FAM120AOS: variants seen among roughly 807,000 people sequenced by gnomAD.
FAM120AOS encodes family with sequence similarity 120 member A opposite strand.
Under a neutral mutation model 20.2 loss-of-function variants are expected in FAM120AOS, and 15 were observed. That is an observed-to-expected ratio of 0.74 (90% CI 0.50 to 1.15). The LOEUF is 1.15. Ranked by LOEUF, FAM120AOS falls within the 50% of genes most tolerant of loss-of-function variation. The pLI is 0.00. For missense variants in FAM120AOS, 327 were observed against 351.9 expected, an observed-to-expected ratio of 0.93 and a Z score of 0.57; for synonymous variants, 154 against 154.0, an observed-to-expected ratio of 1.00 and a Z score of 0.00.
intron 1 of FAM120AOS, chr9:93,451,582 TCC>T: frequency 3.1e-6 from 3 of 982,686 alleles, no homozygotes; most frequent in Non-Finnish European, 3.6e-6. Context: ...CGCCGCCTCT[TCC>T]GCCTGCTAGC....
chr9:93,452,251 G>A lies in FAM120AOS; in HGVS notation c.459C>T (p.Pro153=). 1 of 1,610,946 alleles carries A rather than the reference G, an allele frequency of 6.2e-7. No homozygotes were observed. ...TICCAVWRSL[P]CRLTHSCSRA... ...GGCTGCACGAGTGGGTCAAGCGGCA[G>A]GGCAACGAGCGCCAGACGGCACAGC... Residue 153 remains proline, a synonymous_variant, in exon 1 of 3, where the codon CCC becomes CCT. Coordinates refer to ENST00000375412, the MANE Select transcript of FAM120AOS (RefSeq NM_198841.4). The surrounding 1 kb of genome is among the most constrained non-coding windows in gnomAD (Gnocchi z 7.0).
Position 93,452,268 on chromosome 9 carries a change from C to A in FAM120AOS, c.442G>T (p.Val148Phe), listed in dbSNP as rs748792452. Residue 148 changes from valine to phenylalanine, a missense_variant, in exon 1 of 3, where the codon GTC becomes TTC. By Grantham distance (50) the Val-to-Phe change is conservative. Around this residue, in one of 3 missense-constraint regions of FAM120AOS, gnomAD observed 86 missense variants for 140.2 expected, o/e 0.61. Transcript: ENST00000375412. The surrounding 1 kb of genome is among the most constrained non-coding windows in gnomAD (Gnocchi z 7.0). ...FWTWLTICCA[V>F]WRSLPCRLTH... The stretch of plus-strand genomic sequence containing the variant: ...AAGCGGCAGGGCAACGAGCGCCAGA[C>A]GGCACAGCAGATCGTCAGCCATGTC... 6.2e-7 allele frequency: 1 copy of A among 1,612,176 alleles called. No homozygotes were observed. The highest frequency in any genetic ancestry group is 8.5e-7 in the Non-Finnish European group (1 of 1,179,750).
intron 1 of FAM120AOS, chr9:93,450,804 C>T (rs774323185): frequency 8.3e-6 from 8 of 962,528 alleles, no homozygotes; most frequent in Middle Eastern, 3.1e-4. Flanking sequence ...ACGTAAACGA[C>T]CTCCTTCCAG....
Position 93,452,499 on chromosome 9 carries a change from T to C in FAM120AOS, c.211A>G (p.Thr71Ala). 1 of 1,545,808 alleles carries C rather than the reference T, an allele frequency of 6.5e-7. No individual in the cohort carries two copies. Among genetic ancestry groups the C allele is most frequent in the South Asian group, 1.2e-5 (1 of 86,534 alleles). ...CCGTGGCGGCGCTGGGGGCAGCGAGTTCCCCCAGCCCTTGCCCGGGATAGC... is the reference window on the plus strand; with the variant it reads ...CCGTGGCGGCGCTGGGGGCAGCGAGCTCCCCCAGCCCTTGCCCGGGATAGC... ...ARLSRARAGG[T>A]RCPQRRHGRA... The change falls in exon 1 of 3, where the codon ACT (threonine) becomes GCT (alanine). Residue 71 changes from threonine (T) to alanine (A), a missense_variant. Thr to Ala is a moderately conservative substitution (Grantham distance 58). Transcript: ENST00000375412. This position sits in a 1 kb window ranked among gnomAD's most constrained non-coding sequence, Gnocchi z 7.0.
chr9:93,451,216 CGGCGGCGTTAGAAA>C, intron 1 of FAM120AOS: 8 of 1,527,490 alleles, frequency 5.2e-6, no homozygotes, highest in East Asian at 2.5e-5. Context: ...TGCGAGCCGA[CGGCGGCGTTAGAAA>C]GGCGGCGTCC....
rs1856815810 is a variant in FAM120AOS, at chr9:93,445,515, A to G, written c.*2096T>C. ...CAACAGCATCCCAGCTGTATTGTTA[A>G]AAGTACCTGTCATTCTTAGTTCCCA... On this transcript the variant is annotated 3_prime_UTR_variant, in exon 3 of 3. Coordinates refer to ENST00000375412, the MANE Select transcript of FAM120AOS (RefSeq NM_198841.4). Among the ~76,000 whole-genome samples the G allele has an allele frequency of 6.6e-6, 1 of 151,974 alleles. No homozygotes were observed. Among genetic ancestry groups the G allele is most frequent in the African/African-American group, 2.4e-5 (1 of 41,364 alleles).
chr9:93,448,475 A>G (rs149721159), intron 2 of FAM120AOS: 2,429 of 217,942 alleles, frequency 0.011, 72 homozygotes, highest in African/African-American at 0.055. Flanking sequence ...CCTGGGCAAC[A>G]GAGCAAGACT....
chr9:93,451,153 G>A (rs968793681), intron 1 of FAM120AOS: 30 of 1,550,286 alleles, frequency 1.9e-5, no homozygotes, highest in Non-Finnish European at 2.5e-5. Flanking sequence ...CGGCCGGCCA[G>A]CATCCCGCTC....
rs1564300187 is a variant in FAM120AOS, at chr9:93,453,024, G to T, written c.-315C>A. On this transcript the variant is annotated 5_prime_UTR_variant, in exon 1 of 3. Transcript: ENST00000375412. ...TTAGAGAATCTTTCTATGGCTTTTT[G>T]TGTTAGATTTCAAAGACCCGTGCAC... is the stretch of plus-strand genomic sequence containing the variant. 8.5e-7 allele frequency: 1 copy of T among 1,172,972 alleles called. No homozygotes were observed. Among genetic ancestry groups the T allele is most frequent in the African/African-American group, 1.6e-5 (1 of 60,932 alleles). The allele number at this position is 1,172,972 out of a possible 1,614,324, so 72.7% of individuals were successfully genotyped here.
chr9:93,445,053 C>T lies in FAM120AOS; in HGVS notation c.*2558G>A, dbSNP rs370755370. 3.2e-4 allele frequency among the ~76,000 whole-genome samples: 49 copies of T among 152,232 alleles called. No homozygotes were observed. Among genetic ancestry groups the T allele is most frequent in the African/African-American group, 1.1e-3 (46 of 41,528 alleles). ...AAAGTTCTTGAGATGTTTGGGCTGA[C>T]CATGAAGGGATCCATTATCTGAAGA... On this transcript the variant is annotated 3_prime_UTR_variant, in exon 3 of 3. Coordinates refer to ENST00000375412, the MANE Select transcript of FAM120AOS (RefSeq NM_198841.4).
At position 93,445,580 on chromosome 9, in the gene FAM120AOS, G is replaced by GTTT. The variant is rs749645011; in HGVS notation, c.*2030_*2031insAAA. On this transcript the variant is annotated 3_prime_UTR_variant, in exon 3 of 3. Coordinates refer to ENST00000375412, the MANE Select transcript of FAM120AOS (RefSeq NM_198841.4). Reference sequence around the variant, plus strand: ...TGGTTCTCCAACTTTCATAAAAATCGTTGTTTTTTTTTTTTTTTTTTTTTT... The same window carrying GTTT: ...TGGTTCTCCAACTTTCATAAAAATCGTTTTTGTTTTTTTTTTTTTTTTTTTTTT... 2.0e-3 allele frequency among the ~76,000 whole-genome samples: 212 copies of GTTT among 106,322 alleles called. 7 individuals are homozygous for GTTT. The highest frequency in any genetic ancestry group is 5.4e-3 in the African/African-American group (152 of 28,174). The allele number at this position is 106,322 out of a possible 152,430, so 69.8% of individuals were successfully genotyped here.
chr9:93,452,654 G>C lies in FAM120AOS; in HGVS notation c.56C>G (p.Ser19Cys), dbSNP rs769091702. Reference sequence around the variant, plus strand: ...ACTTGAGGGCTGGGAGAGAGCCCCGGACCAGAATTCGGAGGCGACAGTGTC... The same window carrying C: ...ACTTGAGGGCTGGGAGAGAGCCCCGCACCAGAATTCGGAGGCGACAGTGTC... ...DDDTVASEFW[S>C]GALSQPSSVP... The change falls in exon 1 of 3, where the codon TCC (serine) becomes TGC (cysteine). Residue 19 changes from serine (S) to cysteine (C), a missense_variant. Around this residue, in one of 3 missense-constraint regions of FAM120AOS, gnomAD observed 155 missense variants for 128.8 expected, o/e 1.20. Transcript: ENST00000375412. The surrounding 1 kb of genome is among the most constrained non-coding windows in gnomAD (Gnocchi z 7.0). 6.3e-7 allele frequency: 1 copy of C among 1,599,048 alleles called. No homozygotes were observed. The highest frequency in any genetic ancestry group is 8.5e-7 in the Non-Finnish European group (1 of 1,179,924).
Position 93,444,510 on chromosome 9 carries a change from C to T in FAM120AOS, c.*3101G>A, listed in dbSNP as rs377565703. On this transcript the variant is annotated 3_prime_UTR_variant, in exon 3 of 3. Transcript: ENST00000375412. ...CTGTGTATGAGGGTTCCAGTTCTTC[C>T]ACATCCTTCTCAGCAAACAAGTTAA... Among the ~76,000 whole-genome samples, 1 of 152,188 alleles carries T rather than the reference C, an allele frequency of 6.6e-6. No homozygotes were observed. The highest frequency in any genetic ancestry group is 6.5e-5 in the Admixed American group (1 of 15,274).
chr9:93,451,519 C>G, intron 1 of FAM120AOS: 1 of 998,178 alleles, frequency 1.0e-6, no homozygotes, highest in Non-Finnish European at 1.2e-6. Flanking sequence ...GGCCCAACTC[C>G]GGGCCTCCGC....
intron 1 of FAM120AOS, chr9:93,451,533 C>T (rs1857194871): frequency 6.1e-6 from 6 of 991,080 alleles, no homozygotes; most frequent in Non-Finnish European, 7.2e-6. Context: ...CCTCCGCCTC[C>T]GCCGCCGCCT....
At position 93,452,409 on chromosome 9, in the gene FAM120AOS, C is replaced by CGGGCCGG. The variant is rs1033250405; in HGVS notation, c.294_300dup (p.Ala101ProfsTer94). ...GTCAAGGTGAGGCCGGGGATCCGGGCGGGCCGGGGACCGGGGCCGCGCCGC... is the reference window on the plus strand; with the variant it reads ...GTCAAGGTGAGGCCGGGGATCCGGGCGGGCCGGGGGCCGGGGACCGGGGCCGCGCCGC... On this transcript the variant is annotated frameshift_variant, in exon 1 of 3. Coordinates refer to ENST00000375412, the MANE Select transcript of FAM120AOS (RefSeq NM_198841.4). LOFTEE classifies it high-confidence loss of function. This position sits in a 1 kb window ranked among gnomAD's most constrained non-coding sequence, Gnocchi z 7.0. The CGGGCCGG allele has an allele frequency of 3.8e-6, 6 of 1,590,868 alleles. No homozygotes were observed. The highest frequency in any genetic ancestry group is 2.3e-5 in the East Asian group (1 of 43,850).
chr9:93,451,392 T>G, intron 1 of FAM120AOS: 1 of 1,389,918 alleles, frequency 7.2e-7, no homozygotes, highest in Non-Finnish European at 9.3e-7. Context: ...TCTCTGGCCC[T>G]GCCGGGAACA....
At position 93,445,484 on chromosome 9, in the gene FAM120AOS, T is replaced by G. The variant is rs1856815025; in HGVS notation, c.*2127A>C. ...CTACAGTAAGAGTGGGGTTCATTCA[T>G]GTCATCAACAGCATCCCAGCTGTAT... On this transcript the variant is annotated 3_prime_UTR_variant, in exon 3 of 3. Transcript: ENST00000375412. 6.6e-6 allele frequency among the ~76,000 whole-genome samples: 1 copy of G among 152,038 alleles called. No individual in the cohort carries two copies. The highest frequency in any genetic ancestry group is 1.5e-5 in the Non-Finnish European group (1 of 68,022).
At chr9:93,448,034 C>T (rs1306538911) in intron 2 of FAM120AOS, among the ~76,000 whole-genome samples, 1 of 152,168 alleles carries the variant, frequency 6.6e-6, no homozygotes, top group South Asian at 2.1e-4. Flanking sequence ...TTAATTTGCT[C>T]TCTTCCATGA....
Sources: allele counts gnomAD v4.1 joint callset (sites outside exome capture counted in the v4.1 genomes callset), GRCh38; gene constraint gnomAD v4.1.1; regional missense constraint gnomAD v4.1.1; non-coding constraint Gnocchi (gnomAD v3.1); transcripts MANE v1.5; gene names NCBI Gene and HGNC (gene_info 2026-07-23, HGNC 2026-07-21).